The following PCGF3 variants were observed in gnomAD, a reference collection of about 807,000 sequenced individuals.
PCGF3 encodes the protein polycomb group RING finger protein 3.
Under a neutral mutation model 33.1 loss-of-function variants are expected in PCGF3, and 7 were observed. That is an observed-to-expected ratio of 0.21 (90% CI 0.12 to 0.40). The LOEUF (loss-of-function observed/expected upper bound fraction) is 0.40. Among genes scored for constraint, PCGF3 ranks in the 10% least tolerant of loss-of-function variants. PCGF3 has a pLI of 1.00. For synonymous variants in PCGF3, 153 were observed against 121.3 expected (o/e 1.26, Z -1.72); for missense variants, 211 against 313.3 (o/e 0.67, Z 2.46).
At chr4:748,352 G>A (rs1156945786) in intron 8 of PCGF3, among the ~76,000 whole-genome samples, 1 of 151,848 alleles carries the variant, frequency 6.6e-6, no homozygotes, top group Non-Finnish European at 1.5e-5. Flanking sequence ...GGCACCTGCC[G>A]CTCCGTCTGG....
At chr4:734,850 C>G in intron 4 of PCGF3, 81 bp from the exon 5 acceptor site, 1 of 1,538,798 alleles carries the variant, frequency 6.5e-7, no homozygotes, top group African/African-American at 1.4e-5. Flanking sequence ...CTCAGAGACG[C>G]CCGTGTTCAG....
intron 8 of PCGF3, among the ~76,000 whole-genome samples, chr4:750,584 G>T (rs900289180): frequency 7.2e-5 from 11 of 152,192 alleles, no homozygotes; most frequent in Admixed American, 5.9e-4. Flanking sequence ...AGATTGCCTC[G>T]AGGTTTTTAT....
chr4:714,534 C>T (rs1560195507), intron 1 of PCGF3, among the ~76,000 whole-genome samples: 1 of 152,216 alleles, frequency 6.6e-6, no homozygotes, highest in African/African-American at 2.4e-5. Context: ...TACCTCTTCC[C>T]AGCTGTCTTG....
exon 11 of PCGF3, chr4:768,615 T>C (rs1745483697): frequency 1.3e-5 from 2 of 152,312 alleles, no homozygotes; most frequent in Admixed American, 6.5e-5. Flanking sequence ...GTCTCACCGA[T>C]GCAGTTTTCA....
intron 1 of PCGF3, among the ~76,000 whole-genome samples, chr4:722,694 CACCTGTCT>C (rs1743145984): frequency 4.4e-5 from 5 of 112,604 alleles, no homozygotes; most frequent in East Asian, 2.8e-4. Context: ...CTCGCGTCAT[CACCTGTCT>C]GCGCTGGGTC....
intron 6 of PCGF3, among the ~76,000 whole-genome samples, chr4:740,832 T>A (rs1011398229): frequency 2.6e-5 from 4 of 152,170 alleles, no homozygotes; most frequent in African/African-American, 9.7e-5. Context: ...CGTAAGCCCG[T>A]CCGTGGTGCA....
chr4:741,410 T>C (rs1577421770), intron 6 of PCGF3, among the ~76,000 whole-genome samples: 2 of 152,338 alleles, frequency 1.3e-5, no homozygotes, highest in East Asian at 3.9e-4. Flanking sequence ...TTTATTTATT[T>C]ATTCAATCAT....
rs868487231 is a variant in PCGF3, at chr4:758,441, C to G, written c.463-2838C>G. Among the ~76,000 whole-genome samples the G allele has an allele frequency of 8.5e-3, 1,097 of 129,780 alleles. 10 individuals carry two copies. The highest frequency in any genetic ancestry group is 0.017 in the African/African-American group (596 of 34,136). 85.1% of individuals were successfully genotyped at this position (129,780 alleles called of 152,430 possible). On this transcript the variant is annotated intron_variant, in intron 8 of 10. Coordinates refer to ENST00000362003, the Ensembl canonical transcript of PCGF3. Reference sequence around the variant, plus strand: ...CCCCGCGCGGCCCCTCTCCCGAGTTCTTCTCCTTCCGGACTCCGGGTCTTT... The same window carrying G: ...CCCCGCGCGGCCCCTCTCCCGAGTTGTTCTCCTTCCGGACTCCGGGTCTTT...
At chr4:748,808 G>C (rs1324960422) in intron 8 of PCGF3, among the ~76,000 whole-genome samples, 3 of 151,944 alleles carry the variant, frequency 2.0e-5, no homozygotes, top group African/African-American at 7.3e-5. Flanking sequence ...TCTGCGCGGA[G>C]GCCCCTGGGT....
At chr4:706,296 C>CTGG (rs1742297251) in intron 1 of PCGF3, among the ~76,000 whole-genome samples, 2 of 146,218 alleles carry the variant, frequency 1.4e-5, no homozygotes, top group African/African-American at 5.1e-5. Flanking sequence ...TCCGGGAGGT[C>CTGG]GAAGACCCCA....
chr4:730,793 G>A, intron 2 of PCGF3, 125 bp downstream of exon 2: 1 of 381,868 alleles, frequency 2.6e-6, no homozygotes, highest in Non-Finnish European at 4.6e-6. Flanking sequence ...AGGCTCTGAG[G>A]ACAGGCTGGA....
At chr4:765,644 G>A (rs1745326789) in intron 10 of PCGF3, among the ~76,000 whole-genome samples, 1 of 152,168 alleles carries the variant, frequency 6.6e-6, no homozygotes, top group African/African-American at 2.4e-5. Context: ...GAAACCAATG[G>A]TGGAACTCTC....
At chr4:725,906 C>G (rs376492629) in intron 1 of PCGF3, among the ~76,000 whole-genome samples, 5 of 152,216 alleles carry the variant, frequency 3.3e-5, no homozygotes, top group Non-Finnish European at 1.5e-5. Flanking sequence ...CCTCACTGGC[C>G]TCCCCATTTC....
chr4:756,106 G>C (rs888469208), intron 8 of PCGF3, among the ~76,000 whole-genome samples: 1 of 151,336 alleles, frequency 6.6e-6, no homozygotes, highest in African/African-American at 2.4e-5. Context: ...GTAGAGACGG[G>C]GTTTCTCCAT....
In PCGF3 at chr4:721,419, C is replaced by A. The variant is rs1279160584; in HGVS notation, c.-189-9211C>A. On this transcript the variant is annotated intron_variant, in intron 1 of 10. Transcript: ENST00000362003. The surrounding 1 kb of genome is among the most constrained non-coding windows in gnomAD (Gnocchi z 4.1). ...CGGCTCTTCCTCCTGGCAGAGCTCC[C>A]CAGAGGAAGGCTGGGCTGGGCAGTC... Among the ~76,000 whole-genome samples the A allele has an allele frequency of 1.3e-5, 2 of 151,892 alleles. No homozygotes were observed. Among genetic ancestry groups the A allele is most frequent in the African/African-American group, 4.8e-5 (2 of 41,350 alleles).
Position 748,957 on chromosome 4 carries a change from C to G in PCGF3, c.462+4269C>G, listed in dbSNP as rs77856597. On this transcript the variant is annotated intron_variant, in intron 8 of 10. Coordinates refer to ENST00000362003, the Ensembl canonical transcript of PCGF3. ...TTCCAGAGGGGTGCAGGCTGCTGCT[C>G]CCCTTTACTCTGGTGTGGTTTTCCA... Among the ~76,000 whole-genome samples, 13 of 152,192 alleles carry G rather than the reference C, an allele frequency of 8.5e-5. No homozygotes were observed. In the East Asian group the frequency reaches 2.5e-3, roughly 29 times the overall value.
At chr4:752,110 G>T (rs1185029954) in intron 8 of PCGF3, among the ~76,000 whole-genome samples, 2 of 152,256 alleles carry the variant, frequency 1.3e-5, no homozygotes, top group African/African-American at 4.8e-5. Flanking sequence ...GATCCTCCTG[G>T]AAGATGGTGC....
At chr4:739,965 CTTG>C (rs372744505) in intron 6 of PCGF3, among the ~76,000 whole-genome samples, 1,705 of 152,348 alleles carry the variant, frequency 0.011, 15 homozygotes, top group Non-Finnish European at 0.018. Flanking sequence ...TATTCTTTTT[CTTG>C]TTGTTTCTCA....
At chr4:753,613 A>G (rs1224409750) in intron 8 of PCGF3, among the ~76,000 whole-genome samples, 2 of 150,946 alleles carry the variant, frequency 1.3e-5, no homozygotes, top group Non-Finnish European at 2.9e-5. Flanking sequence ...ACTGCACTCC[A>G]GCCTGGGCGA....
Sources: allele counts gnomAD v4.1 joint callset (sites outside exome capture counted in the v4.1 genomes callset), GRCh38; gene constraint gnomAD v4.1.1; non-coding constraint Gnocchi (gnomAD v3.1); transcripts MANE v1.5; gene names NCBI Gene and HGNC (gene_info 2026-07-23, HGNC 2026-07-21).